Variants in RNF175 observed in about 807,000 individuals in gnomAD.
The protein encoded by RNF175 is ring finger protein 175.
In RNF175, 38 loss-of-function variants were observed where a neutral mutation model predicts 50.0. The observed-to-expected ratio is 0.76, with a 90% CI of 0.59 to 1.00. The LOEUF is 1.00. Among genes scored for constraint, RNF175 ranks in the 50% least tolerant of loss-of-function variants. The pLI, the probability that RNF175 is intolerant of heterozygous loss-of-function variation, is 0.00. For synonymous variants in RNF175, 155 were observed against 146.1 expected, an observed-to-expected ratio of 1.06 and a Z score of -0.44; for missense variants, 388 against 409.6, an observed-to-expected ratio of 0.95 and a Z score of 0.46.
rs1740117935 is a variant in RNF175 at position 153,748,729 on chromosome 4, T to G, written c.162A>C (p.Glu54Asp). 2 of 1,611,474 alleles carry G rather than the reference T, an allele frequency of 1.2e-6. No individual in the cohort carries two copies. Among genetic ancestry groups the G allele is most frequent in the Non-Finnish European group, 1.7e-6 (2 of 1,178,946 alleles). Residue 54 changes from glutamate (E) to aspartate (D), a missense_variant, in exon 3 of 9, where the codon GAA (glutamate) becomes GAC (aspartate). Coordinates refer to ENST00000347063, the MANE Select transcript of RNF175 (RefSeq NM_173662.4). ...GAACGCAGAGGAAGATCAAGATCATTTCCACGTGCATGGAATCGTGGCCCC... is the reference window on the plus strand; with the variant it reads ...GAACGCAGAGGAAGATCAAGATCATGTCCACGTGCATGGAATCGTGGCCCC... ...MHRGHDSMHV[E>D]MILIFLCVLV...
intron 3 of RNF175, among the ~76,000 whole-genome samples, chr4:153,744,795 C>T (rs1456247094): frequency 2.6e-5 from 4 of 152,128 alleles, no homozygotes; most frequent in Non-Finnish European, 5.9e-5. Context: ...GTTTCATTCA[C>T]TTAAAGACAT....
At chr4:153,733,502 T>G (rs1256683046) in intron 3 of RNF175, among the ~76,000 whole-genome samples, 1 of 152,210 alleles carries the variant, frequency 6.6e-6, no homozygotes, top group African/African-American at 2.4e-5. Flanking sequence ...ATTGTTAATT[T>G]GTATCCCCAC....
chr4:153,727,285 C>T (rs1204805568), intron 4 of RNF175, among the ~76,000 whole-genome samples: 1 of 152,130 alleles, frequency 6.6e-6, no homozygotes, highest in Non-Finnish European at 1.5e-5. Context: ...CTACCACCAC[C>T]CAGACCTCTT....
intron 3 of RNF175, among the ~76,000 whole-genome samples, chr4:153,732,198 C>T (rs564172583): frequency 6.6e-6 from 1 of 151,342 alleles, no homozygotes; most frequent in Non-Finnish European, 1.5e-5. Context: ...TGCCACTGTA[C>T]TACAGCCTGG....
chr4:153,727,639 G>A (rs1479295724), intron 4 of RNF175: 1 of 152,206 alleles, frequency 6.6e-6, no homozygotes, highest in Non-Finnish European at 1.5e-5. Context: ...GAGGGCAAAA[G>A]CAAGCCTGTG....
intron 2 of RNF175, 40 bp downstream of exon 2, chr4:153,751,398 T>C (rs1215161921): frequency 7.1e-7 from 1 of 1,401,122 alleles, no homozygotes; most frequent in Non-Finnish European, 9.8e-7. Flanking sequence ...AAAAATCTAA[T>C]TTTTAGCAAA....
chr4:153,756,189 C>G (rs1740553892), intron 1 of RNF175, among the ~76,000 whole-genome samples: 1 of 152,150 alleles, frequency 6.6e-6, no homozygotes, highest in South Asian at 2.1e-4. Context: ...TATCCCTTTC[C>G]TTGTCTGATC....
chr4:153,752,201 A>G (rs1375244734), intron 1 of RNF175, among the ~76,000 whole-genome samples: 2 of 152,206 alleles, frequency 1.3e-5, no homozygotes, highest in African/African-American at 4.8e-5. Flanking sequence ...GTAATCGTGT[A>G]ACTTTGGTGG....
chr4:153,749,086 G>GTGA (rs1337843379), intron 2 of RNF175, among the ~76,000 whole-genome samples: 1 of 152,148 alleles, frequency 6.6e-6, no homozygotes, highest in Non-Finnish European at 1.5e-5. Flanking sequence ...TTTAAGTTAA[G>GTGA]TGATGGGGCT....
At chr4:153,731,466 C>G (rs1284927759) in intron 3 of RNF175, among the ~76,000 whole-genome samples, 2 of 152,188 alleles carry the variant, frequency 1.3e-5, no homozygotes, top group Non-Finnish European at 2.9e-5. Flanking sequence ...TTCTCCCCAA[C>G]CACATATCAT....
chr4:153,722,755 C>G (rs1738420993), intron 5 of RNF175, among the ~76,000 whole-genome samples: 1 of 121,376 alleles, frequency 8.2e-6, no homozygotes, highest in East Asian at 2.0e-4. Context: ...CTGGTAGGTG[C>G]ATTTAATAAG....
At chr4:153,719,812 G>A (rs2127101437) in intron 6 of RNF175, among the ~76,000 whole-genome samples, 1 of 152,268 alleles carries the variant, frequency 6.6e-6, no homozygotes, top group African/African-American at 2.4e-5. Context: ...ATTTGCATTA[G>A]GCAGGGTTTC....
chr4:153,734,665 C>CTTTTTTT lies in RNF175; in HGVS notation c.247-6311_247-6305dup, dbSNP rs56211482. 6.7e-4 allele frequency among the ~76,000 whole-genome samples: 49 copies of CTTTTTTT among 73,176 alleles called. 1 individual carries two copies. Among genetic ancestry groups the CTTTTTTT allele is most frequent in the African/African-American group, 2.3e-3 (28 of 12,004 alleles). 48.0% of individuals were successfully genotyped at this position (73,176 alleles called of 152,430 possible). The stretch of plus-strand genomic sequence containing the variant: ...TCCAAGTCTGGCTTGTTTTTTTATT[C>CTTTTTTT]TTTTTTTTTTTTTTTTTTTTTTTTT... On this transcript the variant is annotated intron_variant, in intron 3 of 8. Transcript: ENST00000347063.
intron 1 of RNF175, among the ~76,000 whole-genome samples, chr4:153,758,291 T>A (rs138425909): frequency 6.6e-6 from 1 of 152,298 alleles, no homozygotes; most frequent in African/African-American, 2.4e-5. Context: ...AAATGCGGAT[T>A]TCAATTCAGT....
chr4:153,733,042 T>C (rs1181830175), intron 3 of RNF175, among the ~76,000 whole-genome samples: 2 of 152,194 alleles, frequency 1.3e-5, no homozygotes, highest in Admixed American at 1.3e-4. Context: ...AAATAAACCA[T>C]TTCTTTTGCT....
chr4:153,756,374 A>T (rs1740563710), intron 1 of RNF175, among the ~76,000 whole-genome samples: 1 of 152,152 alleles, frequency 6.6e-6, no homozygotes. Flanking sequence ...TAAAGTGAAC[A>T]TACTTGTTTC....
At chr4:153,737,867 T>C (rs1739431816) in intron 3 of RNF175, among the ~76,000 whole-genome samples, 1 of 152,222 alleles carries the variant, frequency 6.6e-6, no homozygotes, top group African/African-American at 2.4e-5. Flanking sequence ...ATTTTATGCC[T>C]GCTTGATCCA....
chr4:153,716,063 C>CAAAAA (rs35531787), intron 6 of RNF175, among the ~76,000 whole-genome samples: 3 of 94,186 alleles, frequency 3.2e-5, no homozygotes, highest in Non-Finnish European at 4.0e-5. Context: ...GACTCTGTCT[C>CAAAAA]AAAAAAAAAA....
chr4:153,737,388 A>C (rs533746043), intron 3 of RNF175, among the ~76,000 whole-genome samples: 167 of 152,036 alleles, frequency 1.1e-3, no homozygotes, highest in African/African-American at 2.7e-3. Context: ...TAGTTTCCTC[A>C]GGTGGATTTT....
Sources: allele counts gnomAD v4.1 joint callset (sites outside exome capture counted in the v4.1 genomes callset), GRCh38; gene constraint gnomAD v4.1.1; transcripts MANE v1.5; gene names NCBI Gene and HGNC (gene_info 2026-07-23, HGNC 2026-07-21).